The following DSCAM variants were observed in gnomAD, a reference collection of about 807,000 sequenced individuals.
The protein encoded by DSCAM is DS cell adhesion molecule.
Under a neutral mutation model 217.7 loss-of-function variants are expected in DSCAM, and 47 were observed. That is an observed-to-expected ratio of 0.22 (90% CI 0.17 to 0.28). DSCAM has a LOEUF of 0.28. Ranked by LOEUF, DSCAM falls within the 10% of genes least tolerant of loss-of-function variation. The probability of loss-of-function intolerance (pLI) is 1.00; values close to 1 mark genes in which losing one functional copy is unlikely to be tolerated. For synonymous variants in DSCAM, 1,056 were observed against 1,015.3 expected (o/e 1.04, Z -0.76); for missense variants, 2,080 against 2,618.3 (o/e 0.79, Z 4.49).
At chr21:40,401,961 T>C (rs183314292) in intron 3 of DSCAM, among the ~76,000 whole-genome samples, 1 of 151,184 alleles carries the variant, frequency 6.6e-6, no homozygotes, top group Non-Finnish European at 1.5e-5. Flanking sequence ...ATCAAATGTT[T>C]CCCCCTTTTA....
intron 1 of DSCAM, among the ~76,000 whole-genome samples, chr21:40,770,010 G>A (rs968737971): frequency 7.9e-5 from 12 of 152,144 alleles, no homozygotes; most frequent in African/African-American, 2.9e-4. Context: ...AAATGCAATT[G>A]CAGGGTCTCT....
intron 11 of DSCAM, among the ~76,000 whole-genome samples, chr21:40,241,399 C>T (rs1441621194): frequency 1.3e-5 from 2 of 152,098 alleles, no homozygotes; most frequent in Non-Finnish European, 2.9e-5. Context: ...CTCAATATCA[C>T]CAATCACTAG....
At chr21:40,138,246 G>GGT (rs1259459837) in intron 18 of DSCAM, among the ~76,000 whole-genome samples, 3 of 151,376 alleles carry the variant, frequency 2.0e-5, no homozygotes, top group Admixed American at 6.6e-5. Context: ...ATGTGTGGGG[G>GGT]GTGTGTGTGG....
intron 3 of DSCAM, among the ~76,000 whole-genome samples, chr21:40,639,962 C>T (rs577737738): frequency 6.6e-6 from 1 of 152,152 alleles, no homozygotes; most frequent in Non-Finnish European, 1.5e-5. Flanking sequence ...CATGGAAGTG[C>T]CATGTGTTAA....
intron 11 of DSCAM, among the ~76,000 whole-genome samples, chr21:40,266,776 G>GTATATA (rs1288165274): frequency 5.2e-5 from 1 of 19,304 alleles, no homozygotes; most frequent in Non-Finnish European, 9.1e-5. Context: ...ATTTTCACAT[G>GTATATA]CATATATATA....
intron 1 of DSCAM, among the ~76,000 whole-genome samples, chr21:40,754,207 A>C (rs1250090694): frequency 1.3e-5 from 2 of 152,186 alleles, no homozygotes. Flanking sequence ...TGATTTTATC[A>C]GCACCTGCTC....
intron 8 of DSCAM, among the ~76,000 whole-genome samples, chr21:40,314,499 G>A (rs1036515111): frequency 3.9e-5 from 6 of 152,170 alleles, no homozygotes; most frequent in African/African-American, 9.7e-5. Flanking sequence ...AGGTATGAAC[G>A]TTCTCAGTTG....
chr21:40,578,934 T>G (rs547089390), intron 3 of DSCAM, among the ~76,000 whole-genome samples: 1 of 152,222 alleles, frequency 6.6e-6, no homozygotes, highest in Non-Finnish European at 1.5e-5. Flanking sequence ...AGAAACATAG[T>G]GTGGATGAAG....
intron 1 of DSCAM, among the ~76,000 whole-genome samples, chr21:40,823,277 A>C (rs1363915732): frequency 6.6e-6 from 1 of 150,672 alleles, no homozygotes; most frequent in Non-Finnish European, 1.5e-5. Flanking sequence ...CAAGGAGGCC[A>C]AAAACAGATA....
chr21:40,178,967 G>A lies in DSCAM; in HGVS notation c.2907C>T (p.Ser969=), dbSNP rs746940246. 6 of 1,614,030 alleles carry A rather than the reference G, an allele frequency of 3.7e-6. No individual in the cohort carries two copies. Among genetic ancestry groups the A allele is most frequent in the Middle Eastern group, 3.3e-4 (2 of 6,038 alleles). Residue 969 remains serine, a synonymous_variant, in exon 15 of 33, where the codon AGC becomes AGT. Transcript: ENST00000400454. ...TGATGGTGAGCTCGTTGCTGGGCTC[G>A]CTCTTGCCAATCCGGTTCTTGGCGT... ...RMYAKNRIGK[S]EPSNELTITA...
intron 3 of DSCAM, among the ~76,000 whole-genome samples, chr21:40,379,876 T>G (rs1249976976): frequency 5.3e-5 from 8 of 152,208 alleles, no homozygotes; most frequent in Admixed American, 5.2e-4. Flanking sequence ...GAGCCTATTA[T>G]GTTTATGAGA....
chr21:40,659,611 TTTC>T (rs2090117180), intron 3 of DSCAM, among the ~76,000 whole-genome samples: 1 of 152,194 alleles, frequency 6.6e-6, no homozygotes, highest in Non-Finnish European at 1.5e-5. Flanking sequence ...ACCATCTAAT[TTTC>T]TTCTGCATAT....
At chr21:40,331,722 T>C (rs923438655) in intron 8 of DSCAM, among the ~76,000 whole-genome samples, 2 of 152,108 alleles carry the variant, frequency 1.3e-5, no homozygotes, top group Non-Finnish European at 2.9e-5. Flanking sequence ...AATATAGAAA[T>C]GGAATGAAAT....
chr21:40,834,978 T>TGACTAG (rs1307421471), intron 1 of DSCAM, among the ~76,000 whole-genome samples: 2 of 152,212 alleles, frequency 1.3e-5, no homozygotes, highest in Non-Finnish European at 2.9e-5. Context: ...TTAACCTGCC[T>TGACTAG]TGGCCACCAG....
chr21:40,122,398 C>G (rs115522956), intron 20 of DSCAM, among the ~76,000 whole-genome samples: 2 of 152,096 alleles, frequency 1.3e-5, no homozygotes, highest in Non-Finnish European at 2.9e-5. Flanking sequence ...AAAGAGCAAC[C>G]GTGAATCCCA....
intron 11 of DSCAM, among the ~76,000 whole-genome samples, chr21:40,268,554 A>G (rs147281973): frequency 1.6e-3 from 246 of 152,268 alleles, no homozygotes; most frequent in African/African-American, 5.6e-3. Flanking sequence ...AAAAAAAATA[A>G]TAACATTTTA....
At chr21:40,167,824 T>C (rs2090614044) in intron 15 of DSCAM, among the ~76,000 whole-genome samples, 1 of 152,164 alleles carries the variant, frequency 6.6e-6, no homozygotes, top group Non-Finnish European at 1.5e-5. Flanking sequence ...CCCAGCACTC[T>C]GGGAGGCCGA....
intron 2 of DSCAM, among the ~76,000 whole-genome samples, chr21:40,697,776 C>T (rs1333235151): frequency 2.6e-5 from 4 of 152,126 alleles, no homozygotes; most frequent in African/African-American, 9.7e-5. Flanking sequence ...TGTGTGATAC[C>T]TACAGCTTTG....
At chr21:40,541,683 T>C (rs1035604765) in intron 3 of DSCAM, among the ~76,000 whole-genome samples, 3 of 152,134 alleles carry the variant, frequency 2.0e-5, no homozygotes, top group Admixed American at 2.0e-4. Flanking sequence ...AAGGTCAACA[T>C]TTTACAAGTT....
Sources: allele counts gnomAD v4.1 joint callset (sites outside exome capture counted in the v4.1 genomes callset), GRCh38; gene constraint gnomAD v4.1.1; transcripts MANE v1.5; gene names NCBI Gene and HGNC (gene_info 2026-07-23, HGNC 2026-07-21).